Variants in FRY observed in about 807,000 individuals in gnomAD.
FRY encodes FRY microtubule binding protein.
FRY carries 128 observed loss-of-function variants against 348.4 expected under a neutral mutation model. The ratio of observed to expected loss-of-function variants is 0.37; its 90% CI spans 0.32 to 0.43. The LOEUF (loss-of-function observed/expected upper bound fraction) is 0.43, where lower values mean the gene tolerates loss of function less well. FRY is among the 20% of genes least tolerant of loss of function. The pLI is 1.00. For synonymous variants in FRY, 1,370 were observed against 1,374.7 expected (o/e 1.00, Z 0.08); for missense variants, 2,736 against 3,695.2 (o/e 0.74, Z 6.73).
At chr13:32,055,915 G>A (rs1873597119) in intron 1 of FRY, among the ~76,000 whole-genome samples, 1 of 152,036 alleles carries the variant, frequency 6.6e-6, no homozygotes, top group African/African-American at 2.4e-5. Context: ...CTGGTAGGCT[G>A]GGCACAGTGG....
At chr13:32,178,551 G>C (rs539469127) in intron 21 of FRY, 115 bp downstream of exon 21, 12 of 1,189,684 alleles carry the variant, frequency 1.0e-5, no homozygotes, top group South Asian at 1.4e-5. Flanking sequence ...CTTCCTACTA[G>C]AGAATTCTTA....
At chr13:32,208,780 T>G in intron 31 of FRY, 73 bp from the exon 32 acceptor site, 1 of 1,556,068 alleles carries the variant, frequency 6.4e-7, no homozygotes, top group Non-Finnish European at 8.9e-7. Flanking sequence ...AGTCTGCAAG[T>G]TGGCATTTGA....
intron 55 of FRY, among the ~76,000 whole-genome samples, chr13:32,272,713 GTTTT>G (rs899387740): frequency 5.3e-5 from 8 of 151,966 alleles, no homozygotes; most frequent in African/African-American, 1.9e-4. Context: ...GGGTAAAAGT[GTTTT>G]TTTGTTTGTT....
intron 3 of FRY, among the ~76,000 whole-genome samples, chr13:32,108,881 G>T (rs1877755870): frequency 6.6e-6 from 1 of 152,146 alleles, no homozygotes; most frequent in African/African-American, 2.4e-5. Flanking sequence ...CTACAGTCTG[G>T]CAGAAGTTAA....
chr13:32,268,486 TAAAAAAAAAAAAA>T (rs1163691921), intron 55 of FRY, among the ~76,000 whole-genome samples: 2 of 61,076 alleles, frequency 3.3e-5, no homozygotes, highest in African/African-American at 1.2e-4. Flanking sequence ...AAAGCTAGTT[TAAAAAAAAAAAAA>T]AAAAAAATAT....
chr13:32,228,288 A>G lies in FRY; in HGVS notation c.5207-168A>G, dbSNP rs368710089. Reference sequence around the variant, plus strand: ...AGCAGTGCAACTGATTTCCTAAACAAAGAAAAACTGTCAGTCTCATTTAAT... The same window carrying G: ...AGCAGTGCAACTGATTTCCTAAACAGAGAAAAACTGTCAGTCTCATTTAAT... On this transcript the variant is annotated intron_variant, in intron 39 of 60. Transcript: ENST00000542859. 5.3e-5 allele frequency among the ~76,000 whole-genome samples: 8 copies of G among 152,320 alleles called. No homozygotes were observed. In the East Asian group the frequency reaches 1.5e-3, roughly 29 times the overall value.
intron 1 of FRY, among the ~76,000 whole-genome samples, chr13:32,060,664 A>G (rs1873888598): frequency 6.6e-6 from 1 of 152,208 alleles, no homozygotes; most frequent in Non-Finnish European, 1.5e-5. Context: ...CCAGCCCGTT[A>G]GATCCAGGGG....
chr13:32,258,445 T>C (rs555662684), intron 51 of FRY, among the ~76,000 whole-genome samples: 29 of 152,234 alleles, frequency 1.9e-4, no homozygotes, highest in Non-Finnish European at 3.5e-4. Flanking sequence ...AAACCCTGTC[T>C]CTACTAAAAA....
intron 55 of FRY, among the ~76,000 whole-genome samples, chr13:32,268,682 G>T (rs1358410856): frequency 1.6e-5 from 2 of 124,730 alleles, no homozygotes; most frequent in African/African-American, 2.8e-5. Flanking sequence ...CCTATTTTTT[G>T]GGGGGGTGGG....
chr13:32,047,603 T>C (rs1292983323), intron 1 of FRY, among the ~76,000 whole-genome samples: 2 of 147,832 alleles, frequency 1.4e-5, no homozygotes, highest in African/African-American at 2.4e-5. Context: ...AGAGTTTCAC[T>C]CTTGTTGCCC....
intron 2 of FRY, among the ~76,000 whole-genome samples, chr13:32,084,429 T>C (rs897379383): frequency 1.3e-5 from 2 of 152,198 alleles, no homozygotes; most frequent in Non-Finnish European, 2.9e-5. Context: ...CATGCGTTTA[T>C]GCATGCTGAC....
intron 7 of FRY, among the ~76,000 whole-genome samples, chr13:32,127,346 C>A (rs956999842): frequency 2.0e-5 from 3 of 151,750 alleles, no homozygotes; most frequent in African/African-American, 7.3e-5. Flanking sequence ...AAATAAAATA[C>A]TAAACAGGAA....
At chr13:32,178,095 A>G in intron 20 of FRY, 82 bp from the exon 21 acceptor site, 1 of 1,454,440 alleles carries the variant, frequency 6.9e-7, no homozygotes, top group East Asian at 2.3e-5. Context: ...ACTGTGCAAG[A>G]ATGAGTAGTC....
chr13:32,117,727 C>T (rs1878391069), intron 4 of FRY, among the ~76,000 whole-genome samples: 1 of 152,144 alleles, frequency 6.6e-6, no homozygotes. Flanking sequence ...GGCCACAGGT[C>T]ACTTTCTTGC....
intron 17 of FRY, among the ~76,000 whole-genome samples, chr13:32,168,357 T>A (rs1194651080): frequency 6.6e-6 from 1 of 152,204 alleles, no homozygotes; most frequent in Non-Finnish European, 1.5e-5. Context: ...CCCACCCACA[T>A]GAGGGAGGGA....
chr13:32,104,196 T>A (rs955262610), intron 3 of FRY, among the ~76,000 whole-genome samples: 1 of 152,252 alleles, frequency 6.6e-6, no homozygotes, highest in African/African-American at 2.4e-5. Flanking sequence ...GTTACTCAGC[T>A]TTCTATTTCT....
intron 14 of FRY, among the ~76,000 whole-genome samples, chr13:32,153,712 AAT>A (rs1880937363): frequency 6.6e-6 from 1 of 152,180 alleles, no homozygotes; most frequent in Admixed American, 6.5e-5. Context: ...TTTTTAAAAA[AAT>A]AGAGTGGGGA....
At chr13:32,215,791 A>G (rs1271505019) in intron 35 of FRY, among the ~76,000 whole-genome samples, 1 of 152,138 alleles carries the variant, frequency 6.6e-6, no homozygotes, top group Non-Finnish European at 1.5e-5. Flanking sequence ...GCTGGTCTCA[A>G]ACTCCTGGGC....
At chr13:32,195,060 A>T (rs1396893501) in intron 29 of FRY, among the ~76,000 whole-genome samples, 1 of 152,220 alleles carries the variant, frequency 6.6e-6, no homozygotes, top group Non-Finnish European at 1.5e-5. Context: ...ATTAGTTTTA[A>T]ATTCCAATCT....
Sources: gnomAD v4.1 joint callset for allele counts (sites outside exome capture counted in the v4.1 genomes callset) on GRCh38, gnomAD v4.1.1 for gene constraint, MANE v1.5 for transcripts, NCBI Gene and HGNC (gene_info 2026-07-23, HGNC 2026-07-21) for gene names.